NYAP2: variants seen among roughly 807,000 people sequenced by gnomAD.
NYAP2 encodes neuronal tyrosine-phosphorylated phosphoinositide-3-kinase adapter 2.
Under a neutral mutation model 50.4 loss-of-function variants are expected in NYAP2, and 23 were observed. The observed-to-expected ratio is 0.46, with a 90% confidence interval of 0.33 to 0.65. The LOEUF is 0.65. Ranked by LOEUF, NYAP2 falls within the 30% of genes least tolerant of loss-of-function variation. The pLI, the probability that NYAP2 is intolerant of heterozygous loss-of-function variation, is 0.02. For synonymous variants in NYAP2, 394 were observed against 365.2 expected (o/e 1.08, Z -0.90); for missense variants, 885 against 861.0 (o/e 1.03, Z -0.35).
At chr2:225,565,712 G>A (rs1015169071) in intron 4 of NYAP2, among the ~76,000 whole-genome samples, 1 of 152,076 alleles carries the variant, frequency 6.6e-6, no homozygotes, top group Admixed American at 6.6e-5. Context: ...AATACTTCAG[G>A]TAGAATGTCT....
chr2:225,432,598 G>A (rs921181355), intron 3 of NYAP2, among the ~76,000 whole-genome samples: 19 of 152,012 alleles, frequency 1.2e-4, no homozygotes, highest in Admixed American at 1.2e-3. Context: ...CATCTTGAGA[G>A]CTGGAGTTAT....
Position 225,618,992 on chromosome 2 carries a change from C to T in NYAP2, c.1619-7925C>T, listed in dbSNP as rs149446885. ...AATCCCAAGACTGCTAAGTTGTGGG[C>T]ACTCTCTGTGCTAGGGATGACATAG... On this transcript the variant is annotated intron_variant, in intron 5 of 6. Transcript: ENST00000636099. Among the ~76,000 whole-genome samples the T allele has an allele frequency of 6.3e-4, 96 of 152,306 alleles. 1 individual carries two copies. The highest frequency in any genetic ancestry group is 4.4e-3 in the South Asian group (21 of 4,824).
intron 4 of NYAP2, among the ~76,000 whole-genome samples, chr2:225,577,419 T>G (rs1168433179): frequency 6.6e-6 from 1 of 152,180 alleles, no homozygotes; most frequent in Admixed American, 6.5e-5. Flanking sequence ...TCAAGACTAT[T>G]TTTAAGTACC....
At chr2:225,542,441 C>G (rs774939598) in intron 4 of NYAP2, among the ~76,000 whole-genome samples, 5 of 151,938 alleles carry the variant, frequency 3.3e-5, no homozygotes, top group Non-Finnish European at 7.4e-5. Context: ...GAAGTATGTT[C>G]CTTCTACACC....
the NYAP2 span, among the ~76,000 whole-genome samples, chr2:225,668,448 T>G: frequency 6.6e-6 from 1 of 152,190 alleles, no homozygotes; most frequent in African/African-American, 2.4e-5. Context: ...CTGCCTCAGA[T>G]TTTCCATTAG....
exon 7 of NYAP2, chr2:225,651,673 T>C: frequency 5.2e-6 from 6 of 1,152,728 alleles, no homozygotes; most frequent in Non-Finnish European, 7.4e-6. Context: ...GGTTAGGGGA[T>C]GCGGGGGATG....
Position 225,549,920 on chromosome 2 carries a change from G to A in NYAP2, c.524-32021G>A, listed in dbSNP as rs1056237783. Among the ~76,000 whole-genome samples the A allele has an allele frequency of 2.6e-5, 4 of 152,130 alleles. No individual in the cohort carries two copies. The East Asian group carries it at 5.8e-4, about 22-fold the overall frequency. Reference sequence around the variant, plus strand: ...GAATCACTTGAACTCAGGAGGCAGAGGTTGCAGTGAGCCGAGATTGTACCA... The same window carrying A: ...GAATCACTTGAACTCAGGAGGCAGAAGTTGCAGTGAGCCGAGATTGTACCA... On this transcript the variant is annotated intron_variant, in intron 4 of 6. Transcript: ENST00000636099.
chr2:225,580,672 G>A (rs1447578191), intron 4 of NYAP2, among the ~76,000 whole-genome samples: 1 of 152,014 alleles, frequency 6.6e-6, no homozygotes, highest in Non-Finnish European at 1.5e-5. Flanking sequence ...TGAAGTCTCA[G>A]TTGATGGATG....
intron 4 of NYAP2, among the ~76,000 whole-genome samples, chr2:225,521,996 G>A (rs866677513): frequency 4.6e-5 from 7 of 152,234 alleles, no homozygotes; most frequent in Middle Eastern, 3.4e-3. Context: ...TCCTGGTTTA[G>A]TCTTGGGAGG....
intron 3 of NYAP2, among the ~76,000 whole-genome samples, chr2:225,414,188 A>G (rs1289006422): frequency 6.6e-6 from 1 of 152,142 alleles, no homozygotes; most frequent in Non-Finnish European, 1.5e-5. Context: ...CTTCACTTCC[A>G]TTTCTCAAAT....
At chr2:225,559,368 C>T (rs1158332273) in intron 4 of NYAP2, among the ~76,000 whole-genome samples, 3 of 150,598 alleles carry the variant, frequency 2.0e-5, no homozygotes, top group Admixed American at 6.6e-5. Context: ...AAAAAATGTG[C>T]TATGTCTGGG....
intron 4 of NYAP2, among the ~76,000 whole-genome samples, chr2:225,570,268 G>A (rs1692043231): frequency 6.6e-6 from 1 of 152,152 alleles, no homozygotes. Context: ...CAATCTACAA[G>A]CTCAGAAACT....
chr2:225,434,353 A>G (rs1318318530), intron 3 of NYAP2, among the ~76,000 whole-genome samples: 6 of 152,198 alleles, frequency 3.9e-5, no homozygotes, highest in Non-Finnish European at 5.9e-5. Flanking sequence ...AAACAAACCT[A>G]TTTCTTTCAT....
In NYAP2 at chr2:225,622,501, CTTTTCTTTCTTTCTTTCTT is replaced by C. The variant is rs1243941975; in HGVS notation, c.1619-4415_1619-4397del. On this transcript the variant is annotated intron_variant, in intron 5 of 6. Coordinates refer to ENST00000636099, the Ensembl canonical transcript of NYAP2. ...TTAAGGACATTAACCAATTTTATTT[CTTTTCTTTCTTTCTTTCTT>C]CTTTCTTTCTTTCTTTCTTTCTTTC... Among the ~76,000 whole-genome samples, 55 of 21,970 alleles carry C rather than the reference CTTTTCTTTCTTTCTTTCTT, an allele frequency of 2.5e-3. 1 individual carries two copies. Among genetic ancestry groups the C allele is most frequent in the African/African-American group, 7.0e-3 (54 of 7,662 alleles). The allele number at this position is 21,970 out of a possible 152,430, so 14.4% of individuals were successfully genotyped here. A position where few individuals can be genotyped will look rare whatever the true frequency, so the allele number is the denominator to read the frequency against.
chr2:225,413,178 T>C (rs1192709237), intron 3 of NYAP2, among the ~76,000 whole-genome samples: 2 of 152,158 alleles, frequency 1.3e-5, no homozygotes, highest in Non-Finnish European at 2.9e-5. Flanking sequence ...GTAAAGCTTC[T>C]AGTTGTTGAG....
intron 6 of NYAP2, among the ~76,000 whole-genome samples, chr2:225,629,468 C>T (rs949552734): frequency 2.0e-5 from 3 of 152,282 alleles, no homozygotes; most frequent in South Asian, 2.1e-4. Context: ...CATAAAATCA[C>T]GTGTGTTACA....
chr2:225,536,428 A>G (rs962569828), intron 4 of NYAP2, among the ~76,000 whole-genome samples: 1 of 152,134 alleles, frequency 6.6e-6, no homozygotes, highest in African/African-American at 2.4e-5. Context: ...CAAACTAGGC[A>G]TTGCTAGTGG....
At chr2:225,520,116 GTTGT>G (rs1228925190) in intron 4 of NYAP2, among the ~76,000 whole-genome samples, 2 of 152,154 alleles carry the variant, frequency 1.3e-5, no homozygotes, top group African/African-American at 2.4e-5. Context: ...TTTTGATGGG[GTTGT>G]TTGTTTATTT....
chr2:225,439,435 A>G (rs1334168137), intron 3 of NYAP2, among the ~76,000 whole-genome samples: 1 of 152,244 alleles, frequency 6.6e-6, no homozygotes, highest in Non-Finnish European at 1.5e-5. Flanking sequence ...TTACAGAATA[A>G]GATGTCTGAA....
Sources: gnomAD v4.1 joint callset for allele counts (sites outside exome capture counted in the v4.1 genomes callset) on GRCh38, gnomAD v4.1.1 for gene constraint, MANE v1.5 for transcripts, NCBI Gene and HGNC (gene_info 2026-07-23, HGNC 2026-07-21) for gene names.